Variants in PLCB1 observed in about 807,000 individuals in gnomAD.
PLCB1 encodes 1-phosphatidylinositol 4,5-bisphosphate phosphodiesterase beta-1.
PLCB1 carries 46 observed loss-of-function variants against 161.8 expected under a neutral mutation model. The ratio of observed to expected loss-of-function variants is 0.28; its 90% confidence interval spans 0.22 to 0.36. PLCB1 has a LOEUF of 0.36. PLCB1 is among the 10% of genes least tolerant of loss of function. The probability of loss-of-function intolerance (pLI) is 1.00; values close to 1 mark genes in which losing one functional copy is unlikely to be tolerated. For missense variants in PLCB1, 1,016 were observed against 1,472.5 expected, an observed-to-expected ratio of 0.69 and a Z score of 5.07; for synonymous variants, 517 against 503.7, an observed-to-expected ratio of 1.03 and a Z score of -0.35.
intron 9 of PLCB1, among the ~76,000 whole-genome samples, chr20:8,676,370 G>T (rs796729274): frequency 3.1e-4 from 46 of 149,148 alleles, no homozygotes; most frequent in African/African-American, 9.5e-4. Context: ...CAAGAAGAGA[G>T]AAAAAGAAAG....
intron 26 of PLCB1, among the ~76,000 whole-genome samples, 157 bp from the exon 27 acceptor site, chr20:8,774,382 A>C (rs1298613546): frequency 6.6e-6 from 1 of 152,130 alleles, no homozygotes; most frequent in Non-Finnish European, 1.5e-5. Flanking sequence ...TCTATTGCTA[A>C]GCTTGTCCTT....
chr20:8,515,670 G>A (rs549045430), intron 3 of PLCB1, among the ~76,000 whole-genome samples: 1 of 152,188 alleles, frequency 6.6e-6, no homozygotes, highest in South Asian at 2.1e-4. Context: ...CTTTGAGGGA[G>A]GCACAATATA....
intron 3 of PLCB1, among the ~76,000 whole-genome samples, chr20:8,556,658 T>G (rs909805852): frequency 0.073 from 455 of 6,256 alleles, 1 homozygote; most frequent in African/African-American, 0.24. Flanking sequence ...GAGGGTTGGG[T>G]GTGTGTGTGT....
At chr20:8,452,656 C>G (rs140388802) in intron 3 of PLCB1, among the ~76,000 whole-genome samples, 5 of 152,188 alleles carry the variant, frequency 3.3e-5, no homozygotes, top group African/African-American at 1.2e-4. Context: ...ATTAATAGCG[C>G]TCAGTGATCC....
intron 9 of PLCB1, among the ~76,000 whole-genome samples, chr20:8,682,214 G>T (rs1990239297): frequency 6.6e-6 from 1 of 152,200 alleles, no homozygotes; most frequent in African/African-American, 2.4e-5. Flanking sequence ...AAAAGCACGT[G>T]CCCAGGCCCA....
intron 31 of PLCB1, among the ~76,000 whole-genome samples, chr20:8,835,990 T>G (rs926261299): frequency 6.6e-6 from 1 of 152,116 alleles, no homozygotes; most frequent in African/African-American, 2.4e-5. Flanking sequence ...TGTGTTCAGC[T>G]AGCAGATCAA....
At chr20:8,802,110 TC>T in intron 31 of PLCB1, 1 of 1,612,192 alleles carries the variant, frequency 6.2e-7, no homozygotes, top group Non-Finnish European at 8.5e-7. Flanking sequence ...TCCCTCTGTT[TC>T]CCCCAACTTT....
intron 3 of PLCB1, among the ~76,000 whole-genome samples, chr20:8,398,225 A>C (rs1978378033): frequency 6.6e-6 from 1 of 152,150 alleles, no homozygotes; most frequent in Non-Finnish European, 1.5e-5. Flanking sequence ...ATATACATAC[A>C]TATATTTCTA....
intron 3 of PLCB1, among the ~76,000 whole-genome samples, chr20:8,567,341 C>A (rs961881266): frequency 3.3e-5 from 5 of 152,002 alleles, no homozygotes; most frequent in Non-Finnish European, 5.9e-5. Flanking sequence ...TCCATTTCCC[C>A]CTCTGTCTTG....
intron 2 of PLCB1, among the ~76,000 whole-genome samples, chr20:8,197,574 A>C (rs930782489): frequency 3.3e-5 from 5 of 152,002 alleles, no homozygotes; most frequent in African/African-American, 9.7e-5. Context: ...TTGTCAGATG[A>C]GTAGATTGCA....
intron 2 of PLCB1, among the ~76,000 whole-genome samples, chr20:8,153,649 A>G (rs561820463): frequency 6.6e-6 from 1 of 152,106 alleles, no homozygotes. Context: ...CTAGAATATG[A>G]AAAAAATTAG....
intron 15 of PLCB1, 64 bp from the exon 16 acceptor site, chr20:8,724,592 G>A (rs1216069407): frequency 2.2e-6 from 2 of 924,522 alleles, no homozygotes; most frequent in Admixed American, 2.2e-5. Flanking sequence ...TCATTTTCCT[G>A]GGAAAATAAC....
intron 1 of PLCB1, among the ~76,000 whole-genome samples, chr20:8,147,472 T>C (rs2327025): frequency 0.92 from 140,761 of 152,284 alleles, 65,171 homozygotes; most frequent in East Asian, 1. Context: ...CAAACCTGGG[T>C]ATATGTTCTG....
At chr20:8,135,970 C>T (rs966263895) in intron 1 of PLCB1, among the ~76,000 whole-genome samples, 2 of 152,022 alleles carry the variant, frequency 1.3e-5, no homozygotes, top group African/African-American at 4.8e-5. Context: ...TGGCCTTGGT[C>T]TATATTGGGC....
chr20:8,227,361 A>G (rs1979753765), intron 2 of PLCB1, among the ~76,000 whole-genome samples: 1 of 152,162 alleles, frequency 6.6e-6, no homozygotes, highest in South Asian at 2.1e-4. Flanking sequence ...TCCCACTGCC[A>G]CTTGGTATGT....
intron 3 of PLCB1, among the ~76,000 whole-genome samples, chr20:8,460,893 G>A (rs899058891): frequency 4.6e-5 from 7 of 152,160 alleles, no homozygotes; most frequent in Non-Finnish European, 1.5e-5. Context: ...AGTGCTGAGA[G>A]CACACTTTGA....
At chr20:8,821,745 C>A (rs1167297290) in intron 31 of PLCB1, among the ~76,000 whole-genome samples, 11 of 151,818 alleles carry the variant, frequency 7.2e-5, no homozygotes, top group African/African-American at 2.2e-4. Context: ...AAAGCCACTA[C>A]CCCGCTCTGT....
At position 8,180,894 on chromosome 20, in the gene PLCB1, A is replaced by C. The variant is rs560116170; in HGVS notation, c.177+30523A>C. ...ATACTTATGAGACATTAAATTTAAA[A>C]AAGGAATTGCATTTGTCATTTTTTC... is the stretch of plus-strand genomic sequence containing the variant. On this transcript the variant is annotated intron_variant, in intron 2 of 31. Transcript: ENST00000338037. Among the ~76,000 whole-genome samples the C allele has an allele frequency of 1.9e-4, 29 of 152,232 alleles. No individual in the cohort carries two copies. The East Asian group carries it at 5.0e-3, about 26-fold the overall frequency.
At position 8,733,288 on chromosome 20, in the gene PLCB1, G is replaced by A. The variant is rs540046473; in HGVS notation, c.1939G>A (p.Gly647Ser). Residue 647 changes from glycine to serine, a missense_variant, in exon 19 of 32, where the codon GGC becomes AGC. Physicochemically the swap from Gly to Ser is moderately conservative, Grantham distance 56 (BLOSUM62 0). Around this residue, in one of 10 missense-constraint regions of PLCB1, gnomAD observed 67 missense variants for 195.6 expected, o/e 0.34. Transcript: ENST00000338037. The part of the protein sequence containing the change: ...MGMYEYNGKS[G>S]YRLKPEFMRR... ...GATGTATGAATACAACGGGAAGAGT[G>A]GCTACAGATTGAAGCCAGAGTTCAT... 1 of 1,613,956 alleles carries A rather than the reference G, an allele frequency of 6.2e-7. No individual in the cohort carries two copies. Among genetic ancestry groups the A allele is most frequent in the South Asian group, 1.1e-5 (1 of 91,080 alleles).
Sources: allele counts gnomAD v4.1 joint callset (sites outside exome capture counted in the v4.1 genomes callset), GRCh38; gene constraint gnomAD v4.1.1; regional missense constraint gnomAD v4.1.1; transcripts MANE v1.5; gene names NCBI Gene and HGNC (gene_info 2026-07-23, HGNC 2026-07-21).